The following CEP295NL variants were observed in gnomAD, a reference collection of about 807,000 sequenced individuals.
The protein encoded by CEP295NL is CEP295 N-terminal like.
In CEP295NL, 3 loss-of-function variants were observed where a neutral mutation model predicts 4.6. The ratio of observed to expected loss-of-function variants is 0.65; its 90% confidence interval spans 0.30 to 1.69. CEP295NL has a LOEUF of 1.69. Among genes scored for constraint, CEP295NL ranks in the 40% most tolerant of loss-of-function variants. The pLI, the probability that CEP295NL is intolerant of heterozygous loss-of-function variation, is 0.10. For synonymous variants in CEP295NL, 295 were observed against 312.2 expected, an observed-to-expected ratio of 0.94 and a Z score of 0.58; for missense variants, 719 against 769.0, an observed-to-expected ratio of 0.93 and a Z score of 0.77.
Position 78,891,018 on chromosome 17 carries a change from C to T in CEP295NL, c.1486G>A (p.Val496Met). The change falls in exon 3 of 3, where the codon GTG becomes ATG. Residue 496 changes from valine (V) to methionine (M), a missense_variant. Val to Met is a conservative substitution (Grantham distance 21). Transcript: ENST00000322630. The surrounding 1 kb of genome is among the most constrained non-coding windows in gnomAD (Gnocchi z 4.5). ...QLHLQDQADR[V>M]GSTASRQRQK... ...CTTTGCCTGGATGCCGTCGAGCCCA[C>T]TCTGTCTGCCTGGTCTTGAAGGTGG... is the stretch of plus-strand genomic sequence containing the variant. The T allele has an allele frequency of 1.3e-6, 2 of 1,551,228 alleles. No individual in the cohort carries two copies. The highest frequency in any genetic ancestry group is 1.7e-6 in the Non-Finnish European group (2 of 1,147,144).
At chr17:78,902,944 G>A (rs1213408304) in intron 1 of CEP295NL, among the ~76,000 whole-genome samples, 190 bp downstream of exon 1, 1 of 152,180 alleles carries the variant, frequency 6.6e-6, no homozygotes, top group African/African-American at 2.4e-5. Flanking sequence ...CCTGTGGGGA[G>A]CCCCGTGGTG....
In CEP295NL at chr17:78,891,854, A is replaced by G. The variant is rs1568000042; in HGVS notation, c.650T>C (p.Leu217Pro). 7 of 1,550,680 alleles carry G rather than the reference A, an allele frequency of 4.5e-6. No individual in the cohort carries two copies. Among genetic ancestry groups the G allele is most frequent in the African/African-American group, 1.4e-5 (1 of 73,170 alleles). Residue 217 changes from leucine (L) to proline (P), a missense_variant, in exon 3 of 3, where the codon CTG becomes CCG. Leu to Pro is a moderately conservative substitution (Grantham distance 98). Coordinates refer to ENST00000322630, the MANE Select transcript of CEP295NL (RefSeq NM_001243540.2). This position sits in a 1 kb window ranked among gnomAD's most constrained non-coding sequence, Gnocchi z 4.5. Reference sequence around the variant, plus strand: ...TCCCTTTCTCTTCTCAGGCGGGGCCAGGTGAGAATTCATCCGACCCGTGGC... The same window carrying G: ...TCCCTTTCTCTTCTCAGGCGGGGCCGGGTGAGAATTCATCCGACCCGTGGC... ...TKATGRMNSH[L>P]APPEKRKGRP...
Position 78,890,827 on chromosome 17 carries a change from T to TC in CEP295NL, c.1676dup (p.Ala560SerfsTer9), listed in dbSNP as rs764425272. The TC allele has an allele frequency of 7.5e-5, 117 of 1,550,630 alleles. No individual in the cohort carries two copies. The African/African-American group carries it at 1.5e-3, about 19-fold the overall frequency. On this transcript the variant is annotated frameshift_variant, in exon 3 of 3. Coordinates refer to ENST00000322630, the MANE Select transcript of CEP295NL (RefSeq NM_001243540.2). LOFTEE classifies it low-confidence loss of function (END_TRUNC). ...CAGATCCTCTCTCCCTTTCCTGGGC[T>TC]CTCGTGGAGGAGGACTTCAGATGGG...
rs761953688 is a variant in CEP295NL at position 78,892,142 on chromosome 17, GCCT to G, written c.359_361del (p.Glu120del). On this transcript the variant is annotated inframe_deletion, in exon 3 of 3. Transcript: ENST00000322630. ...CAGGCCACCGACGTGCAGGTGCTGT[GCCT>G]CCTGATACCCTCTCCTCAACTCCTC... The G allele has an allele frequency of 3.0e-5, 47 of 1,550,730 alleles. No homozygotes were observed. In the African/African-American group the frequency reaches 3.3e-4, roughly 11 times the overall value.
chr17:78,895,029 C>T (rs867629156), intron 2 of CEP295NL, among the ~76,000 whole-genome samples: 10 of 152,142 alleles, frequency 6.6e-5, no homozygotes, highest in Admixed American at 2.6e-4. Context: ...ACCTGTAATC[C>T]CAGCACACTG....
intron 2 of CEP295NL, among the ~76,000 whole-genome samples, chr17:78,901,566 G>A (rs180792175): frequency 2.9e-3 from 445 of 152,224 alleles, no homozygotes; most frequent in Non-Finnish European, 5.1e-3. Flanking sequence ...AGGAGGTGAG[G>A]TGGGGCAAGG....
At chr17:78,893,384 C>A (rs2069943991) in intron 2 of CEP295NL, among the ~76,000 whole-genome samples, 2 of 69,542 alleles carry the variant, frequency 2.9e-5, no homozygotes, top group East Asian at 4.9e-4. Context: ...AGTGTGTGTG[C>A]AGGGGTGTGT....
intron 2 of CEP295NL, among the ~76,000 whole-genome samples, chr17:78,895,202 A>G (rs2069980066): frequency 6.6e-6 from 1 of 152,214 alleles, no homozygotes; most frequent in Non-Finnish European, 1.5e-5. Flanking sequence ...AATTGCTTGT[A>G]TCTGGGAGGC....
rs2069996139 is a variant in CEP295NL, at chr17:78,896,150, C to T, written c.45-3691G>A. Among the ~76,000 whole-genome samples the T allele has an allele frequency of 6.6e-6, 1 of 152,242 alleles. No individual in the cohort carries two copies. Among genetic ancestry groups the T allele is most frequent in the South Asian group, 2.1e-4 (1 of 4,834 alleles). ...GACACCATCAGATGCAACCTCGTCC[C>T]CGCTACCCCAGCTCTCCTTGCTCTC... is the stretch of plus-strand genomic sequence containing the variant. On this transcript the variant is annotated intron_variant, in intron 2 of 2. Coordinates refer to ENST00000322630, the MANE Select transcript of CEP295NL (RefSeq NM_001243540.2). The surrounding 1 kb of genome is among the most constrained non-coding windows in gnomAD (Gnocchi z 4.4).
In CEP295NL at chr17:78,891,794, C is replaced by T. The variant is rs569558922; in HGVS notation, c.710G>A (p.Arg237His). The T allele has an allele frequency of 1.1e-5, 17 of 1,551,038 alleles. No individual in the cohort carries two copies. The highest frequency in any genetic ancestry group is 2.7e-5 in the African/African-American group (2 of 73,172). ...GCTCCTCCGAGGATGGATGGCACAG[C>T]GGCCACCCCCAGACTTGGTCGAAGG... ...PEPSTKSGGGRCAIHPRRSKG... is the reference protein window; with the variant it reads ...PEPSTKSGGGHCAIHPRRSKG... The change falls in exon 3 of 3, where the codon CGC becomes CAC. Residue 237 changes from arginine to histidine, a missense_variant. By Grantham distance (29) the Arg-to-His change is conservative. Coordinates refer to ENST00000322630, the MANE Select transcript of CEP295NL (RefSeq NM_001243540.2). This position sits in a 1 kb window ranked among gnomAD's most constrained non-coding sequence, Gnocchi z 4.5.
rs1452122178 is a variant in CEP295NL, at chr17:78,891,690, C to T, written c.814G>A (p.Gly272Arg). Residue 272 changes from glycine (G) to arginine (R), a missense_variant, in exon 3 of 3, where the codon GGA (glycine) becomes AGA (arginine). Physicochemically the swap from Gly to Arg is moderately radical, Grantham distance 125 (BLOSUM62 -2). Transcript: ENST00000322630. This position sits in a 1 kb window ranked among gnomAD's most constrained non-coding sequence, Gnocchi z 4.5. ...TGCCTCCTCCCCGCCCGAGCTGTTC[C>T]TTTCTCTTTTTCCTCCACAAGCCCG... ...EIGLVEEKEK[G>R]TARAGRRQLG... 2 of 1,551,098 alleles carry T rather than the reference C, an allele frequency of 1.3e-6. No individual in the cohort carries two copies. The highest frequency in any genetic ancestry group is 4.9e-5 in the East Asian group (2 of 40,908).
In CEP295NL at chr17:78,891,336, G is replaced by T; in HGVS notation, c.1168C>A (p.Pro390Thr). The change falls in exon 3 of 3, where the codon CCA becomes ACA. Residue 390 changes from proline (P) to threonine (T), a missense_variant. Transcript: ENST00000322630. This position sits in a 1 kb window ranked among gnomAD's most constrained non-coding sequence, Gnocchi z 4.5. Reference protein sequence around the residue: ...SEMQECGAGTPRGKKMADPEM... With the variant: ...SEMQECGAGTTRGKKMADPEM... ...GGGTCTGCCATTTTCTTCCCTCTTGGGGTCCCAGCGCCACACTCTTGCATC... is the reference window on the plus strand; with the variant it reads ...GGGTCTGCCATTTTCTTCCCTCTTGTGGTCCCAGCGCCACACTCTTGCATC... The T allele has an allele frequency of 6.5e-7, 1 of 1,550,202 alleles. No homozygotes were observed. Among genetic ancestry groups the T allele is most frequent in the Admixed American group, 2.0e-5 (1 of 50,976 alleles).
At chr17:78,900,695 G>A (rs1425900737) in intron 2 of CEP295NL, among the ~76,000 whole-genome samples, 2 of 152,308 alleles carry the variant, frequency 1.3e-5, no homozygotes, top group East Asian at 3.9e-4. Context: ...CTTGGGGGAG[G>A]TGGAAAATTG....
intron 2 of CEP295NL, among the ~76,000 whole-genome samples, chr17:78,893,052 A>G (rs1257000736): frequency 1.3e-5 from 2 of 152,164 alleles, no homozygotes; most frequent in African/African-American, 4.8e-5. Flanking sequence ...GAGCCTGCCA[A>G]GCATGTGTGT....
At chr17:78,894,419 G>C (rs2069966075) in intron 2 of CEP295NL, among the ~76,000 whole-genome samples, 1 of 152,108 alleles carries the variant, frequency 6.6e-6, no homozygotes, top group Admixed American at 6.5e-5. Flanking sequence ...TAGAATAGTG[G>C]TTAATATTAT....
chr17:78,891,776 C>T lies in CEP295NL; in HGVS notation c.728G>A (p.Arg243Gln), dbSNP rs958223320. Residue 243 changes from arginine (R) to glutamine (Q), a missense_variant, in exon 3 of 3, where the codon CGG becomes CAG. Transcript: ENST00000322630. The surrounding 1 kb of genome is among the most constrained non-coding windows in gnomAD (Gnocchi z 4.5). ...TTCTAGGTCCGCCCCTTTGCTCCTCCGAGGATGGATGGCACAGCGGCCACC... is the reference window on the plus strand; with the variant it reads ...TTCTAGGTCCGCCCCTTTGCTCCTCTGAGGATGGATGGCACAGCGGCCACC... ...SGGGRCAIHPRRSKGADLERS... is the reference protein window; with the variant it reads ...SGGGRCAIHPQRSKGADLERS... The T allele has an allele frequency of 1.4e-5, 21 of 1,551,060 alleles. No homozygotes were observed. Among genetic ancestry groups the T allele is most frequent in the East Asian group, 2.4e-5 (1 of 40,934 alleles).
Position 78,890,721 on chromosome 17 carries a change from G to A in CEP295NL, c.1783C>T (p.Gln595Ter). ...HSQMIRDQQQQILQQNRLHKQ... is the reference protein window; with the variant it reads ...HSQMIRDQQQ ...TGCAACCTGTTTTGCTGTAAGATCT[G>A]CTGCTGCTGGTCTCGGATCATCTGA... The change falls in exon 3 of 3, where the codon CAG (glutamine) becomes TAG (stop). Residue 595 changes from glutamine to a stop codon, truncating the protein, a stop_gained. Transcript: ENST00000322630. LOFTEE classifies it high-confidence loss of function. 1 of 1,550,638 alleles carries A rather than the reference G, an allele frequency of 6.4e-7. No homozygotes were observed. The highest frequency in any genetic ancestry group is 8.7e-7 in the Non-Finnish European group (1 of 1,146,998).
At position 78,896,459 on chromosome 17, in the gene CEP295NL, G is replaced by A. The variant is rs923392310; in HGVS notation, c.45-4000C>T. Among the ~76,000 whole-genome samples, 2 of 152,120 alleles carry A rather than the reference G, an allele frequency of 1.3e-5. No individual in the cohort carries two copies. Among genetic ancestry groups the A allele is most frequent in the African/African-American group, 4.8e-5 (2 of 41,412 alleles). On this transcript the variant is annotated intron_variant, in intron 2 of 2. Transcript: ENST00000322630. This position sits in a 1 kb window ranked among gnomAD's most constrained non-coding sequence, Gnocchi z 4.4. ...TGAAGACAGCCATGGTTCCAATCAG[G>A]GCCCTCGCTACAGCTCCCCTCCCAG...
chr17:78,891,143 G>C lies in CEP295NL; in HGVS notation c.1361C>G (p.Ala454Gly), dbSNP rs1567999527. ...RNGSQTLSPE[A>G]GIFINKEDSL... ...GTCCTCTTTGTTGATAAATATACCT[G>C]CCTCGGGAGACAATGTTTGACTTCC... Residue 454 changes from alanine (A) to glycine (G), a missense_variant, in exon 3 of 3, where the codon GCA (alanine) becomes GGA (glycine). Ala to Gly is a moderately conservative substitution (Grantham distance 60). Coordinates refer to ENST00000322630, the MANE Select transcript of CEP295NL (RefSeq NM_001243540.2). The surrounding 1 kb of genome is among the most constrained non-coding windows in gnomAD (Gnocchi z 4.5). The C allele has an allele frequency of 6.4e-7, 1 of 1,550,664 alleles. No homozygotes were observed. The highest frequency in any genetic ancestry group is 8.7e-7 in the Non-Finnish European group (1 of 1,147,024).
Sources: gnomAD v4.1 joint callset for allele counts (sites outside exome capture counted in the v4.1 genomes callset) on GRCh38, gnomAD v4.1.1 for gene constraint, Gnocchi (gnomAD v3.1) non-coding constraint, MANE v1.5 for transcripts, NCBI Gene and HGNC (gene_info 2026-07-23, HGNC 2026-07-21) for gene names.